MAB21L4: variants seen among roughly 807,000 people sequenced by gnomAD.
MAB21L4 encodes the protein mab-21 like 4, also known as protein mab-21-like 4.
In MAB21L4, 25 loss-of-function variants were observed where a neutral mutation model predicts 32.4. That is an observed-to-expected ratio of 0.77 (90% CI 0.56 to 1.08). The LOEUF (loss-of-function observed/expected upper bound fraction) is 1.08. Ranked by LOEUF, MAB21L4 falls within the 50% of genes least tolerant of loss-of-function variation. The pLI is 0.00. For synonymous variants in MAB21L4, 280 were observed against 276.8 expected (o/e 1.01, Z -0.11); for missense variants, 638 against 611.0 (o/e 1.04, Z -0.47).
In MAB21L4 at chr2:240,888,374, G is replaced by A; in HGVS notation, c.1169C>T (p.Ser390Phe). Residue 390 changes from serine to phenylalanine, a missense_variant, in exon 4 of 5, where the codon TCC becomes TTC. Transcript: ENST00000388934. The stretch of plus-strand genomic sequence containing the variant: ...CAGCTGCAGGAGCGCCTTGAGCCCG[G>A]AGCCGATGCGCGGCGGGGGGCTGCG... ...LGRSPPPRIG[S>F]GLKALLQLPA... The A allele has an allele frequency of 6.4e-7, 1 of 1,569,106 alleles. No homozygotes were observed. Among genetic ancestry groups the A allele is most frequent in the African/African-American group, 1.4e-5 (1 of 72,878 alleles).
chr2:240,895,991 C>T lies in MAB21L4; in HGVS notation c.7G>A (p.Ala3Thr). 6.9e-7 allele frequency: 1 copy of T among 1,452,446 alleles called. No individual in the cohort carries two copies. The highest frequency in any genetic ancestry group is 9.0e-7 in the Non-Finnish European group (1 of 1,107,866). 90.0% of individuals were successfully genotyped at this position (1,452,446 alleles called of 1,614,324 possible). ...ATGGCTGAGGTGGGGAGAGCAGGGG[C>T]AGGCATCCCTTCAACAGTGGCAGGT... The part of the protein sequence containing the change: MP[A>T]PALPTSAMAV... The change falls in exon 1 of 5, where the codon GCC becomes ACC. Residue 3 changes from alanine to threonine, a missense_variant. Coordinates refer to ENST00000388934, the MANE Select transcript of MAB21L4 (RefSeq NM_001085437.3).
chr2:240,887,093 T>G lies in MAB21L4; in HGVS notation c.1321A>C (p.Thr441Pro), dbSNP rs1451829086. ...GCTCAGCTCTCCTCGCCTCCCAGAGTCCTGGTCTTCTGGAAGATGCTCTGC... is the reference window on the plus strand; with the variant it reads ...GCTCAGCTCTCCTCGCCTCCCAGAGGCCTGGTCTTCTGGAAGATGCTCTGC... The part of the protein sequence containing the change: ...AMQSIFQKTR[T>P]LGGEES Residue 441 changes from threonine to proline, a missense_variant, in exon 5 of 5, where the codon ACT (threonine) becomes CCT (proline). By Grantham distance (38) the Thr-to-Pro change is conservative. Coordinates refer to ENST00000388934, the MANE Select transcript of MAB21L4 (RefSeq NM_001085437.3). 1 of 1,613,824 alleles carries G rather than the reference T, an allele frequency of 6.2e-7. No individual in the cohort carries two copies. The highest frequency in any genetic ancestry group is 8.5e-7 in the Non-Finnish European group (1 of 1,179,908).
At position 240,886,998 on chromosome 2, in the gene MAB21L4, G is replaced by A; in HGVS notation, c.*72C>T. On this transcript the variant is annotated 3_prime_UTR_variant, in exon 5 of 5. Transcript: ENST00000388934. ...CCCGTTTCTTCTTCCAAACATCCCA[G>A]GAGCCTCCCATGGTGCAGTGCAGAG... is the stretch of plus-strand genomic sequence containing the variant. 5 of 1,189,544 alleles carry A rather than the reference G, an allele frequency of 4.2e-6. No homozygotes were observed. The highest frequency in any genetic ancestry group is 6.2e-6 in the Non-Finnish European group (5 of 801,158). The allele number at this position is 1,189,544 out of a possible 1,614,324, so 73.7% of individuals were successfully genotyped here.
In MAB21L4 at chr2:240,888,448, G is replaced by T; in HGVS notation, c.1095C>A (p.Phe365Leu). The T allele has an allele frequency of 6.4e-7, 1 of 1,571,332 alleles. No homozygotes were observed. The highest frequency in any genetic ancestry group is 8.6e-7 in the Non-Finnish European group (1 of 1,161,374). ...GCAGGGCCGCCTCGGGCTGGCTGGC[G>T]AAGCCCTCCACGCGCTGGTAGATGG... ...LGAIYQRVEGFASQPEAALRI... is the reference protein window; with the variant it reads ...LGAIYQRVEGLASQPEAALRI... Residue 365 changes from phenylalanine (F) to leucine (L), a missense_variant, in exon 4 of 5, where the codon TTC becomes TTA. Phe to Leu is a conservative substitution (Grantham distance 22, BLOSUM62 0). Coordinates refer to ENST00000388934, the MANE Select transcript of MAB21L4 (RefSeq NM_001085437.3).
At position 240,886,431 on chromosome 2, in the gene MAB21L4, G is replaced by C. The variant is rs529400903; in HGVS notation, c.*639C>G. On this transcript the variant is annotated 3_prime_UTR_variant, in exon 5 of 5. Transcript: ENST00000388934. ...AATCCATATCAGGGGCCACTTCCAC[G>C]GGGACGGGAAGAAGCAGATGGGAGT... The C allele has an allele frequency of 6.6e-6, 1 of 152,230 alleles. No individual in the cohort carries two copies. The highest frequency in any genetic ancestry group is 1.5e-5 in the Non-Finnish European group (1 of 68,088). 9.4% of individuals were successfully genotyped at this position (152,230 alleles called of 1,614,324 possible). A position where few individuals can be genotyped will look rare whatever the true frequency, so the allele number is the denominator to read the frequency against.
chr2:240,895,744 A>G lies in MAB21L4; in HGVS notation c.254T>C (p.Leu85Pro). The G allele has an allele frequency of 6.2e-7, 1 of 1,612,872 alleles. No individual in the cohort carries two copies. Among genetic ancestry groups the G allele is most frequent in the Non-Finnish European group, 8.5e-7 (1 of 1,179,962 alleles). ...SEDPMDMEVP[L>P]WVDAEALLIE... ...CAGTAGAGCCTCGGCATCCACCCAC[A>G]GGGGCACCTCCATGTCCATTGGGTC... is the stretch of plus-strand genomic sequence containing the variant. The change falls in exon 1 of 5, where the codon CTG (leucine) becomes CCG (proline). Residue 85 changes from leucine (L) to proline (P), a missense_variant. Leu to Pro is a moderately conservative substitution (Grantham distance 98). Transcript: ENST00000388934.
intron 3 of MAB21L4, 32 bp from the exon 4 acceptor site, chr2:240,888,680 T>TGGCCCACCC (rs2059118781): frequency 1.4e-6 from 2 of 1,440,032 alleles, no homozygotes; most frequent in African/African-American, 2.9e-5. Flanking sequence ...CCTGGCCTCC[T>TGGCCCACCC]GGCCCACCCG....
chr2:240,889,993 C>T lies in MAB21L4; in HGVS notation c.894+12G>A, dbSNP rs754444351. On this transcript the variant is annotated intron_variant, in intron 3 of 4. Transcript: ENST00000388934. ...TGGTGACAGACAACCCGCCGAGTCC[C>T]GCCCTGGGTACCTTCAGGTGGCCAA... 1.4e-5 allele frequency: 22 copies of T among 1,598,924 alleles called. No homozygotes were observed. The highest frequency in any genetic ancestry group is 1.1e-4 in the African/African-American group (8 of 74,712).
intron 1 of MAB21L4, among the ~76,000 whole-genome samples, chr2:240,893,537 G>A (rs2059167507): frequency 1.3e-5 from 2 of 152,244 alleles, no homozygotes; most frequent in South Asian, 4.1e-4. Flanking sequence ...AACTGCACCA[G>A]CCCGGCCACA....
chr2:240,888,487 G>C lies in MAB21L4; in HGVS notation c.1056C>G (p.Gly352=), dbSNP rs770551202. ...HPQRNLLQGS[G]LDLGAIYQRV... ...GCTGGTAGATGGCACCAAGGTCCAG[G>C]CCGCTGCCCTGCAGCAGGTTGCGCT... The change falls in exon 4 of 5, where the codon GGC becomes GGG. Residue 352 remains glycine (G), a synonymous_variant. Transcript: ENST00000388934. 6.2e-7 allele frequency: 1 copy of C among 1,602,822 alleles called. No individual in the cohort carries two copies. Among genetic ancestry groups the C allele is most frequent in the Admixed American group, 1.7e-5 (1 of 59,526 alleles).
Position 240,890,182 on chromosome 2 carries a change from G to C in MAB21L4, c.741-24C>G, listed in dbSNP as rs59100207. 8,642 of 1,575,072 alleles carry C rather than the reference G, an allele frequency of 5.5e-3. 414 individuals carry two copies. The African/African-American group carries it at 0.1, about 19-fold the overall frequency. On this transcript the variant is annotated intron_variant, in intron 2 of 4. Transcript: ENST00000388934. Reference sequence around the variant, plus strand: ...TCCTGGGGCCCAGACAGACGCACTGGGTCAGCCCCCGCCGCTGTTGGCCCC... The same window carrying C: ...TCCTGGGGCCCAGACAGACGCACTGCGTCAGCCCCCGCCGCTGTTGGCCCC...
intron 1 of MAB21L4, among the ~76,000 whole-genome samples, chr2:240,893,854 C>T (rs1313283767): frequency 6.6e-6 from 1 of 151,806 alleles, no homozygotes; most frequent in Non-Finnish European, 1.5e-5. Context: ...GGGACAGGGC[C>T]AAGTGAGGTC....
chr2:240,892,076 C>T (rs2059155609), intron 1 of MAB21L4: 7 of 1,441,194 alleles, frequency 4.9e-6, no homozygotes, highest in Non-Finnish European at 6.4e-6. Flanking sequence ...CTTTGCCAGG[C>T]ACCACCCTCA....
chr2:240,892,532 C>T (rs961340948), intron 1 of MAB21L4, among the ~76,000 whole-genome samples: 8 of 152,174 alleles, frequency 5.3e-5, no homozygotes, highest in South Asian at 2.1e-4. Context: ...GAAGAGGCGG[C>T]GGCAGCTGCC....
At chr2:240,887,480 G>GCACTCTGCCCA (rs2106436205) in intron 4 of MAB21L4, among the ~76,000 whole-genome samples, 3 of 152,380 alleles carry the variant, frequency 2.0e-5, no homozygotes, top group African/African-American at 7.2e-5. Context: ...TCTGCTGAGA[G>GCACTCTGCCCA]CACAGAGCAT....
Position 240,886,981 on chromosome 2 carries a change from T to G in MAB21L4, c.*89A>C, listed in dbSNP as rs1197584072. The G allele has an allele frequency of 6.7e-6, 7 of 1,039,018 alleles. No homozygotes were observed. The highest frequency in any genetic ancestry group is 1.0e-5 in the Non-Finnish European group (7 of 677,718). 64.4% of individuals were successfully genotyped at this position (1,039,018 alleles called of 1,614,324 possible). On this transcript the variant is annotated 3_prime_UTR_variant, in exon 5 of 5. Transcript: ENST00000388934. ...ACCCCCTCAAGGAGAAGCCCGTTTCTTCTTCCAAACATCCCAGGAGCCTCC... is the reference window on the plus strand; with the variant it reads ...ACCCCCTCAAGGAGAAGCCCGTTTCGTCTTCCAAACATCCCAGGAGCCTCC...
At chr2:240,891,157 C>T (rs1241553546) in intron 2 of MAB21L4, among the ~76,000 whole-genome samples, 2 of 152,188 alleles carry the variant, frequency 1.3e-5, no homozygotes, top group Non-Finnish European at 2.9e-5. Flanking sequence ...AATGTGGACG[C>T]ACCCCCACTG....
chr2:240,891,913 T>G (rs780682566), intron 1 of MAB21L4, 150 bp from the exon 2 acceptor site: 5 of 1,573,470 alleles, frequency 3.2e-6, no homozygotes, highest in Middle Eastern at 3.3e-4. Context: ...AGGCTGCAGC[T>G]CCCCAACCCC....
At chr2:240,891,513 C>A (rs754438962) in intron 2 of MAB21L4, 25 bp downstream of exon 2, 20 of 1,569,370 alleles carry the variant, frequency 1.3e-5, no homozygotes, top group Non-Finnish European at 1.6e-5. Context: ...CCCCAAGAAC[C>A]TTGTGACCAG....
Sources: gnomAD v4.1 joint callset for allele counts (sites outside exome capture counted in the v4.1 genomes callset) on GRCh38, gnomAD v4.1.1 for gene constraint, MANE v1.5 for transcripts, NCBI Gene and HGNC (gene_info 2026-07-23, HGNC 2026-07-21) for gene names.